The following IGSF3 variants were observed in gnomAD, a reference collection of about 807,000 sequenced individuals.
IGSF3 encodes glu-Trp-Ile EWI motif-containing protein 3.
Under a neutral mutation model 114.4 loss-of-function variants are expected in IGSF3, and 23 were observed. The observed-to-expected ratio is 0.20, with a 90% confidence interval of 0.14 to 0.28. The LOEUF (loss-of-function observed/expected upper bound fraction) is 0.28. IGSF3 is among the 10% of genes least tolerant of loss of function. The pLI is 1.00. For synonymous variants in IGSF3, 571 were observed against 645.2 expected (o/e 0.88, Z 1.74); for missense variants, 1,172 against 1,591.5 (o/e 0.74, Z 4.48).
At chr1:116,630,118 G>C (rs1000052371) in intron 2 of IGSF3, among the ~76,000 whole-genome samples, 3 of 152,230 alleles carry the variant, frequency 2.0e-5, no homozygotes, top group Non-Finnish European at 4.4e-5. Context: ...GAGGGAATGG[G>C]ATTTGGAACA....
chr1:116,622,340 A>C (rs1238234541), intron 2 of IGSF3, among the ~76,000 whole-genome samples: 1 of 152,254 alleles, frequency 6.6e-6, no homozygotes, highest in Non-Finnish European at 1.5e-5. Context: ...TTAAAATTTT[A>C]TCTCATTTCT....
rs1660025679 is a variant in IGSF3 at position 116,589,915 on chromosome 1, T to C, written c.2030-811A>G. Among the ~76,000 whole-genome samples the C allele has an allele frequency of 1.3e-5, 2 of 152,150 alleles. No individual in the cohort carries two copies. The highest frequency in any genetic ancestry group is 4.1e-4 in the South Asian group (2 of 4,832). On this transcript the variant is annotated intron_variant, in intron 7 of 10. Coordinates refer to ENST00000369486, the MANE Select transcript of IGSF3 (RefSeq NM_001007237.3). This position sits in a 1 kb window ranked among gnomAD's most constrained non-coding sequence, Gnocchi z 5.7. ...CATGGGGTGGACTGCCTAGCGGACA[T>C]TCTTATCGCTGCACCCCCAGAGCCT... is the stretch of plus-strand genomic sequence containing the variant.
intron 7 of IGSF3, among the ~76,000 whole-genome samples, chr1:116,591,293 T>C (rs1309434202): frequency 6.6e-6 from 1 of 152,128 alleles, no homozygotes; most frequent in African/African-American, 2.4e-5. Flanking sequence ...ATGCAAATGA[T>C]ATCTATATCA....
Position 116,576,227 on chromosome 1 carries a change from C to A in IGSF3, c.*1085G>T, listed in dbSNP as rs2101267626. ...CCCACCAAACTTAGTGTCAGCCAGC[C>A]CCGTGCCCTCCGTCAGGTGTCTGCC... On this transcript the variant is annotated 3_prime_UTR_variant, in exon 11 of 11. Transcript: ENST00000369486. This position sits in a 1 kb window ranked among gnomAD's most constrained non-coding sequence, Gnocchi z 4.6. The A allele has an allele frequency of 6.5e-6, 1 of 152,988 alleles. No homozygotes were observed. The highest frequency in any genetic ancestry group is 2.4e-5 in the African/African-American group (1 of 41,578). The allele number at this position is 152,988 out of a possible 1,614,324, so 9.5% of individuals were successfully genotyped here. A position where few individuals can be genotyped will look rare whatever the true frequency, so the allele number is the denominator to read the frequency against.
chr1:116,615,986 T>C lies in IGSF3; in HGVS notation c.421+94A>G, dbSNP rs558446484. On this transcript the variant is annotated intron_variant, in intron 3 of 10. Coordinates refer to ENST00000369486, the MANE Select transcript of IGSF3 (RefSeq NM_001007237.3). The surrounding 1 kb of genome is among the most constrained non-coding windows in gnomAD (Gnocchi z 4.3). ...AATATGTTGGGAGTTTTGGGATTTT[T>C]TTTAAAGTCAAATGCATGGCATAAA... The C allele has an allele frequency of 9.0e-7, 1 of 1,113,086 alleles. No homozygotes were observed. Among genetic ancestry groups the C allele is most frequent in the South Asian group, 1.7e-5 (1 of 58,352 alleles). The allele number at this position is 1,113,086 out of a possible 1,614,324, so 69.0% of individuals were successfully genotyped here.
chr1:116,661,294 A>AAAAAAT lies in IGSF3; in HGVS notation c.43+4989_43+4990insATTTTT, dbSNP rs367692068. On this transcript the variant is annotated intron_variant, in intron 2 of 10. Coordinates refer to ENST00000369486, the MANE Select transcript of IGSF3 (RefSeq NM_001007237.3). This position sits in a 1 kb window ranked among gnomAD's most constrained non-coding sequence, Gnocchi z 4.0. ...AGCAACAGTGTGAGACTCCATCTCA[A>AAAAAAT]AAAAAATAAAATAACTGAACACCTG... 0.034 allele frequency among the ~76,000 whole-genome samples: 5,156 copies of AAAAAAT among 152,158 alleles called. 285 individuals carry two copies. The highest frequency in any genetic ancestry group is 0.12 in the African/African-American group (4,856 of 41,430).
intron 2 of IGSF3, among the ~76,000 whole-genome samples, chr1:116,663,414 C>T (rs1362888789): frequency 1.3e-4 from 20 of 152,010 alleles, no homozygotes. Context: ...CACATCTATC[C>T]TCAAATAGAG....
chr1:116,577,675 C>G lies in IGSF3; in HGVS notation c.3335-113G>C. The G allele has an allele frequency of 1.1e-6, 1 of 928,324 alleles. No individual in the cohort carries two copies. Among genetic ancestry groups the G allele is most frequent in the Non-Finnish European group, 1.7e-6 (1 of 603,358 alleles). The allele number at this position is 928,324 out of a possible 1,614,324, so 57.5% of individuals were successfully genotyped here. The stretch of plus-strand genomic sequence containing the variant: ...TGGAAGCTCCTCGGTGACACTCCCA[C>G]ACCACCTTGTCTTTCCCCTGCTACC... On this transcript the variant is annotated intron_variant, in intron 10 of 10. Transcript: ENST00000369486. The surrounding 1 kb of genome is among the most constrained non-coding windows in gnomAD (Gnocchi z 5.7).
In IGSF3 at chr1:116,587,244, AAAT is replaced by A. The variant is rs573624042; in HGVS notation, c.2440+1447_2440+1449del. Among the ~76,000 whole-genome samples, 13 of 152,348 alleles carry A rather than the reference AAAT, an allele frequency of 8.5e-5. No homozygotes were observed. In the South Asian group the frequency reaches 2.5e-3, roughly 29 times the overall value. On this transcript the variant is annotated intron_variant, in intron 8 of 10. Transcript: ENST00000369486. ...TATATATATATGTATTCTAGTATAA[AAAT>A]AATAAGACATAGTAACTGATAAGTC... is the stretch of plus-strand genomic sequence containing the variant.
At position 116,583,809 on chromosome 1, in the gene IGSF3, A is replaced by G. The variant is rs986041830; in HGVS notation, c.2848+836T>C. Among the ~76,000 whole-genome samples the G allele has an allele frequency of 6.6e-6, 1 of 152,220 alleles. No homozygotes were observed. Among genetic ancestry groups the G allele is most frequent in the Admixed American group, 6.5e-5 (1 of 15,282 alleles). ...TAAATGTGCAACAACAATTATACCT[A>G]GTAATTACATGCATTTAGATATTTA... On this transcript the variant is annotated intron_variant, in intron 9 of 10. Transcript: ENST00000369486. This position sits in a 1 kb window ranked among gnomAD's most constrained non-coding sequence, Gnocchi z 4.5.
rs967251791 is a variant in IGSF3, at chr1:116,593,168, T to C, written c.2030-4064A>G. On this transcript the variant is annotated intron_variant, in intron 7 of 10. Coordinates refer to ENST00000369486, the MANE Select transcript of IGSF3 (RefSeq NM_001007237.3). This position sits in a 1 kb window ranked among gnomAD's most constrained non-coding sequence, Gnocchi z 4.5. Reference sequence around the variant, plus strand: ...CACGCCATGGATCTGCAGATCAGCATCACCTGGGAATCTGCCAGCCCCTGC... The same window carrying C: ...CACGCCATGGATCTGCAGATCAGCACCACCTGGGAATCTGCCAGCCCCTGC... Among the ~76,000 whole-genome samples the C allele has an allele frequency of 1.1e-4, 17 of 152,194 alleles. No homozygotes were observed. The highest frequency in any genetic ancestry group is 4.1e-4 in the African/African-American group (17 of 41,458).
rs371579276 is a variant in IGSF3, at chr1:116,615,232, C to T, written c.421+848G>A. 3.9e-4 allele frequency among the ~76,000 whole-genome samples: 59 copies of T among 151,904 alleles called. No individual in the cohort carries two copies. The South Asian group carries it at 0.012, about 32-fold the overall frequency. The stretch of plus-strand genomic sequence containing the variant: ...GAGGTTGCAGTGAGCCAAGATCGCA[C>T]CATTGCACTCCAGCCTGGGCAACAA... On this transcript the variant is annotated intron_variant, in intron 3 of 10. Transcript: ENST00000369486. The surrounding 1 kb of genome is among the most constrained non-coding windows in gnomAD (Gnocchi z 4.3).
rs1415204372 is a variant in IGSF3, at chr1:116,595,858, G to T, written c.2029+4083C>A. On this transcript the variant is annotated intron_variant, in intron 7 of 10. Coordinates refer to ENST00000369486, the MANE Select transcript of IGSF3 (RefSeq NM_001007237.3). This position sits in a 1 kb window ranked among gnomAD's most constrained non-coding sequence, Gnocchi z 4.2. The stretch of plus-strand genomic sequence containing the variant: ...TATGCTTCACAATTAAAAGAGAAAA[G>T]AACTGATTAAGAGCTAATAATCAAA... Among the ~76,000 whole-genome samples the T allele has an allele frequency of 6.6e-6, 1 of 152,196 alleles. No individual in the cohort carries two copies. Among genetic ancestry groups the T allele is most frequent in the Non-Finnish European group, 1.5e-5 (1 of 68,028 alleles).
rs946003771 is a variant in IGSF3 at position 116,629,278 on chromosome 1, C to T, written c.44-12821G>A. ...CTATAAAAGGATTTGAAAGTATTTT[C>T]GTAAAGATAAACACCCACACACCTC... On this transcript the variant is annotated intron_variant, in intron 2 of 10. Transcript: ENST00000369486. The surrounding 1 kb of genome is among the most constrained non-coding windows in gnomAD (Gnocchi z 4.3). 1.3e-5 allele frequency among the ~76,000 whole-genome samples: 2 copies of T among 152,150 alleles called. No homozygotes were observed. Among genetic ancestry groups the T allele is most frequent in the Admixed American group, 6.5e-5 (1 of 15,280 alleles).
At chr1:116,580,521 T>C (rs763413013) in intron 9 of IGSF3, among the ~76,000 whole-genome samples, 1 of 152,174 alleles carries the variant, frequency 6.6e-6, no homozygotes, top group Non-Finnish European at 1.5e-5. Context: ...CCAGTAAGAT[T>C]GGTGTCTTAT....
Position 116,598,292 on chromosome 1 carries a change from T to C in IGSF3, c.2029+1649A>G, listed in dbSNP as rs1222868514. Among the ~76,000 whole-genome samples, 1 of 152,200 alleles carries C rather than the reference T, an allele frequency of 6.6e-6. No homozygotes were observed. Among genetic ancestry groups the C allele is most frequent in the Non-Finnish European group, 1.5e-5 (1 of 68,006 alleles). On this transcript the variant is annotated intron_variant, in intron 7 of 10. Transcript: ENST00000369486. The surrounding 1 kb of genome is among the most constrained non-coding windows in gnomAD (Gnocchi z 4.3). Reference sequence around the variant, plus strand: ...AAAAGGTGCAATTACAATCCTAATGTCCCACTCAATAATGCAGGCAAGTGG... The same window carrying C: ...AAAAGGTGCAATTACAATCCTAATGCCCCACTCAATAATGCAGGCAAGTGG...
chr1:116,656,329 C>T (rs1648848361), intron 2 of IGSF3, among the ~76,000 whole-genome samples: 2 of 103,972 alleles, frequency 1.9e-5, no homozygotes, highest in African/African-American at 3.8e-5. Flanking sequence ...TTGACGGAGT[C>T]TCACTCTGTT....
chr1:116,581,493 G>A (rs1420897606), intron 9 of IGSF3, among the ~76,000 whole-genome samples: 5 of 152,116 alleles, frequency 3.3e-5, no homozygotes, highest in Non-Finnish European at 7.3e-5. Flanking sequence ...CTTGGATGAA[G>A]ACCAAATAGG....
chr1:116,601,509 A>G (rs1242655562), intron 6 of IGSF3, among the ~76,000 whole-genome samples: 5 of 152,224 alleles, frequency 3.3e-5, no homozygotes, highest in African/African-American at 9.6e-5. Flanking sequence ...AAATATTACA[A>G]ATAGTACCTG....
Sources: gnomAD v4.1 joint callset for allele counts (sites outside exome capture counted in the v4.1 genomes callset) on GRCh38, gnomAD v4.1.1 for gene constraint, Gnocchi (gnomAD v3.1) non-coding constraint, MANE v1.5 for transcripts, NCBI Gene and HGNC (gene_info 2026-07-23, HGNC 2026-07-21) for gene names.